The following HOTAIR variants were observed in gnomAD, a reference collection of about 807,000 sequenced individuals.
HOTAIR encodes HOX transcript antisense RNA (non-protein coding).
chr12:53,962,491 G>A (rs1001264122), exon 7 of HOTAIR: 4 of 152,190 alleles, frequency 2.6e-5, no homozygotes, highest in Admixed American at 6.5e-5. Context: ...AAACTGCATG[G>A]AAAATACATT....
At chr12:53,974,941 C>T in exon 1 of HOTAIR, 1 of 525,204 alleles carries the variant, frequency 1.9e-6, no homozygotes, top group Middle Eastern at 5.0e-4. Context: ...AGCCGCGGCT[C>T]TCGCCTGAGA....
chr12:53,964,595 C>T (rs971389454), intron 5 of HOTAIR, among the ~76,000 whole-genome samples: 1 of 152,220 alleles, frequency 6.6e-6, no homozygotes, highest in African/African-American at 2.4e-5. Context: ...CCTGACTACA[C>T]AGTGGTATTC....
chr12:53,970,061 T>C (rs565311939), intron 1 of HOTAIR, among the ~76,000 whole-genome samples: 1 of 152,326 alleles, frequency 6.6e-6, no homozygotes, highest in African/African-American at 2.4e-5. Context: ...TTAACTTTGG[T>C]CCAGCTACCT....
In HOTAIR at chr12:53,973,969, C is replaced by A; in HGVS notation, n.59+929G>T. ...AACGGGCGGGCAGCGAGGGAGGGAG[C>A]GAGAGAGGGAGGGCGAGAGAAGGGG... On this transcript the variant is annotated intron_variant and non_coding_transcript_variant, in intron 1 of 6. Transcript: ENST00000424518. The surrounding 1 kb of genome is among the most constrained non-coding windows in gnomAD (Gnocchi z 4.3). 1.4e-6 allele frequency: 2 copies of A among 1,402,944 alleles called. No individual in the cohort carries two copies. The highest frequency in any genetic ancestry group is 9.3e-7 in the Non-Finnish European group (1 of 1,071,614). 86.9% of individuals were successfully genotyped at this position (1,402,944 alleles called of 1,614,324 possible). A position where few individuals can be genotyped will look rare whatever the true frequency, so the allele number is the denominator to read the frequency against.
intron 5 of HOTAIR, chr12:53,965,893 GC>G (rs1939043925): frequency 6.6e-6 from 1 of 152,178 alleles, no homozygotes; most frequent in Non-Finnish European, 1.5e-5. Flanking sequence ...GCTCTCCCTC[GC>G]CCGGGCGCCT....
At position 53,973,568 on chromosome 12, in the gene HOTAIR, C is replaced by A. The variant is rs754957019; in HGVS notation, n.59+1330G>T. 3.1e-6 allele frequency: 5 copies of A among 1,613,144 alleles called. No homozygotes were observed. The highest frequency in any genetic ancestry group is 1.1e-5 in the South Asian group (1 of 91,058). On this transcript the variant is annotated intron_variant and non_coding_transcript_variant, in intron 1 of 6. Coordinates refer to ENST00000424518, the Ensembl canonical transcript of HOTAIR. The surrounding 1 kb of genome is among the most constrained non-coding windows in gnomAD (Gnocchi z 4.3). The stretch of plus-strand genomic sequence containing the variant: ...ACCGGGAGTGCCTGCCTCCTTCCAC[C>A]GTCACCGAGATCCTCATGAAAAACG...
rs866221957 is a variant in HOTAIR at position 53,972,958 on chromosome 12, G to A, written n.59+1940C>T. Among the ~76,000 whole-genome samples the A allele has an allele frequency of 5.5e-4, 83 of 151,862 alleles. 1 individual carries two copies. The highest frequency in any genetic ancestry group is 1.9e-3 in the African/African-American group (77 of 41,312). ...CTCGTGCTGTGGTATGGAGAGAAGG[G>A]GAGTGACGAGAGAAAAACGAATACA... is the stretch of plus-strand genomic sequence containing the variant. On this transcript the variant is annotated intron_variant and non_coding_transcript_variant, in intron 1 of 6. Coordinates refer to ENST00000424518, the Ensembl canonical transcript of HOTAIR.
intron 1 of HOTAIR, chr12:53,968,995 C>T (rs770544530): frequency 7.2e-5 from 11 of 152,128 alleles, no homozygotes; most frequent in South Asian, 2.1e-4. Flanking sequence ...ATAAAAATGC[C>T]GCGAGCTCAC....
exon 7 of HOTAIR, chr12:53,962,316 C>T (rs546692438): frequency 1.4e-4 from 22 of 152,326 alleles, no homozygotes; most frequent in Non-Finnish European, 2.9e-4. Flanking sequence ...CGTATATTCA[C>T]CACATGTAAA....
chr12:53,971,904 G>T (rs1186314486), intron 1 of HOTAIR, among the ~76,000 whole-genome samples: 1 of 152,252 alleles, frequency 6.6e-6, no homozygotes, highest in Non-Finnish European at 1.5e-5. Flanking sequence ...ACTTGTAGGA[G>T]GGCAGGACAG....
At chr12:53,967,068 G>C (rs924010397) in intron 3 of HOTAIR, among the ~76,000 whole-genome samples, 1 of 152,176 alleles carries the variant, frequency 6.6e-6, no homozygotes. Context: ...CGCCTCCTCT[G>C]GGCTCATGGA....
rs779994792 is a variant in HOTAIR, at chr12:53,973,466, C to A, written n.59+1432G>T. ...TGCCCCCGGTCCGGGAGGTCTCCTA[C>A]GGCCTGGAGCCATCCGGCAAGTGGC... is the stretch of plus-strand genomic sequence containing the variant. On this transcript the variant is annotated intron_variant and non_coding_transcript_variant, in intron 1 of 6. Transcript: ENST00000424518. This position sits in a 1 kb window ranked among gnomAD's most constrained non-coding sequence, Gnocchi z 4.3. 2 of 1,614,072 alleles carry A rather than the reference C, an allele frequency of 1.2e-6. No individual in the cohort carries two copies. Among genetic ancestry groups the A allele is most frequent in the African/African-American group, 1.3e-5 (1 of 74,930 alleles).
At chr12:53,967,745 G>A (rs375727536) in intron 2 of HOTAIR, among the ~76,000 whole-genome samples, 1 of 152,174 alleles carries the variant, frequency 6.6e-6, no homozygotes, top group African/African-American at 2.4e-5. Context: ...TGAGCTGGAC[G>A]CTTCCCCCTA....
At chr12:53,969,841 A>G (rs1175358785) in intron 1 of HOTAIR, among the ~76,000 whole-genome samples, 3 of 151,940 alleles carry the variant, frequency 2.0e-5, no homozygotes, top group Non-Finnish European at 2.9e-5. Context: ...TCCCCAGTTC[A>G]TGGTCTGTGG....
Position 53,973,577 on chromosome 12 carries a change from GA to G in HOTAIR, n.59+1320del. The G allele has an allele frequency of 6.2e-7, 1 of 1,613,210 alleles. No homozygotes were observed. The highest frequency in any genetic ancestry group is 8.5e-7 in the Non-Finnish European group (1 of 1,179,990). On this transcript the variant is annotated intron_variant and non_coding_transcript_variant, in intron 1 of 6. Transcript: ENST00000424518. This position sits in a 1 kb window ranked among gnomAD's most constrained non-coding sequence, Gnocchi z 4.3. ...GCCTGCCTCCTTCCACCGTCACCGA[GA>G]TCCTCATGAAAAACGAAGGCTCCTA...
chr12:53,962,588 A>G (rs1428280012), exon 7 of HOTAIR: 2 of 152,126 alleles, frequency 1.3e-5, no homozygotes, highest in East Asian at 1.9e-4. Context: ...TGTGTGTACT[A>G]AATACATTGA....
rs868032096 is a variant in HOTAIR, at chr12:53,973,410, C to T, written n.59+1488G>A. On this transcript the variant is annotated intron_variant and non_coding_transcript_variant, in intron 1 of 6. Transcript: ENST00000424518. This position sits in a 1 kb window ranked among gnomAD's most constrained non-coding sequence, Gnocchi z 4.3. ...CTCCTTCCTGCCCCAGGCCCCCTCT[C>T]GTCAGATCTCCTATCCCTACTCGGC... is the stretch of plus-strand genomic sequence containing the variant. The T allele has an allele frequency of 1.2e-6, 2 of 1,614,236 alleles. No homozygotes were observed. Among genetic ancestry groups the T allele is most frequent in the Non-Finnish European group, 1.7e-6 (2 of 1,180,048 alleles).
In HOTAIR at chr12:53,973,631, G is replaced by A. The variant is rs757940064; in HGVS notation, n.59+1267C>T. The A allele has an allele frequency of 1.1e-5, 18 of 1,613,060 alleles. No homozygotes were observed. The East Asian group carries it at 3.6e-4, about 32-fold the overall frequency. ...GCGGCCACCACCACCCCAGCGCCCCGCACGCAACCCCCGCCGGCTTCTACT... is the reference window on the plus strand; with the variant it reads ...GCGGCCACCACCACCCCAGCGCCCCACACGCAACCCCCGCCGGCTTCTACT... On this transcript the variant is annotated intron_variant and non_coding_transcript_variant, in intron 1 of 6. Transcript: ENST00000424518. This position sits in a 1 kb window ranked among gnomAD's most constrained non-coding sequence, Gnocchi z 4.3.
At position 53,973,793 on chromosome 12, in the gene HOTAIR, C is replaced by T; in HGVS notation, n.59+1105G>A. 1 of 1,595,028 alleles carries T rather than the reference C, an allele frequency of 6.3e-7. No homozygotes were observed. On this transcript the variant is annotated intron_variant and non_coding_transcript_variant, in intron 1 of 6. Transcript: ENST00000424518. The surrounding 1 kb of genome is among the most constrained non-coding windows in gnomAD (Gnocchi z 4.3). ...AGGCCAAGGGGGAGCCCGAGGCACC[C>T]CCGGCCTCGGGACTGGCGTCCCGGG... is the stretch of plus-strand genomic sequence containing the variant.
Sources: allele counts gnomAD v4.1 joint callset (sites outside exome capture counted in the v4.1 genomes callset), GRCh38; gene constraint gnomAD v4.1.1; non-coding constraint Gnocchi (gnomAD v3.1); transcripts MANE v1.5; gene names NCBI Gene and HGNC (gene_info 2026-07-23, HGNC 2026-07-21).